EIPR1: variants seen among roughly 807,000 people sequenced by gnomAD.
EIPR1 encodes the protein EARP complex and GARP complex interacting protein 1.
EIPR1 carries 25 observed loss-of-function variants against 48.1 expected under a neutral mutation model. The observed-to-expected ratio is 0.52, with a 90% confidence interval of 0.38 to 0.73. The LOEUF (loss-of-function observed/expected upper bound fraction) is 0.73, where lower values mean the gene tolerates loss of function less well. Ranked by LOEUF, EIPR1 falls within the 30% of genes least tolerant of loss-of-function variation. The pLI, the probability that EIPR1 is intolerant of heterozygous loss-of-function variation, is 0.00. For missense variants in EIPR1, 415 were observed against 506.2 expected, an observed-to-expected ratio of 0.82 and a Z score of 1.73; for synonymous variants, 204 against 201.9, an observed-to-expected ratio of 1.01 and a Z score of -0.09.
intron 5 of EIPR1, among the ~76,000 whole-genome samples, chr2:3,210,443 C>A (rs1338212866): frequency 2.0e-5 from 3 of 152,052 alleles, no homozygotes; most frequent in Non-Finnish European, 4.4e-5. Flanking sequence ...CCACAGAGGA[C>A]AATGGACAGA....
intron 4 of EIPR1, among the ~76,000 whole-genome samples, chr2:3,237,221 T>TAC (rs35498711): frequency 0.1 from 12,963 of 127,594 alleles, 688 homozygotes; most frequent in Middle Eastern, 0.17. Flanking sequence ...TTTTGAAAAC[T>TAC]ACACACACAC....
At chr2:3,241,888 T>C (rs1666639902) in intron 4 of EIPR1, among the ~76,000 whole-genome samples, 1 of 152,248 alleles carries the variant, frequency 6.6e-6, no homozygotes, top group South Asian at 2.1e-4. Context: ...AAATAAGTGA[T>C]TCTAAAATGA....
At chr2:3,375,397 AAG>A (rs1447251144) in intron 1 of EIPR1, among the ~76,000 whole-genome samples, 4 of 147,312 alleles carry the variant, frequency 2.7e-5, no homozygotes, top group African/African-American at 7.4e-5. Context: ...TTAAAAAAAA[AAG>A]AGAGAAAAAA....
At position 3,192,530 on chromosome 2, in the gene EIPR1, G is replaced by A; in HGVS notation, c.873C>T (p.Gly291=). 1 of 1,613,030 alleles carries A rather than the reference G, an allele frequency of 6.2e-7. No homozygotes were observed. Among genetic ancestry groups the A allele is most frequent in the Non-Finnish European group, 8.5e-7 (1 of 1,179,870 alleles). ...AAAGGATGACTCTGCTGTCACTGCT[G>A]CCCGTGAGGACCAGCTGGTCATGAG... ...NHSHDQLVLT[G]SSDSRVILSN... is the part of the protein sequence containing the mutation. Residue 291 remains glycine, a synonymous_variant, in exon 8 of 9, where the codon GGC becomes GGT. Transcript: ENST00000382125.
At chr2:3,324,933 C>T (rs1038293082) in intron 3 of EIPR1, among the ~76,000 whole-genome samples, 3 of 152,242 alleles carry the variant, frequency 2.0e-5, no homozygotes, top group South Asian at 2.1e-4. Flanking sequence ...TGAAAAGCAG[C>T]GCTTCCAGGT....
At chr2:3,307,292 C>T (rs1668976412) in intron 3 of EIPR1, among the ~76,000 whole-genome samples, 1 of 152,184 alleles carries the variant, frequency 6.6e-6, no homozygotes, top group East Asian at 1.9e-4. Flanking sequence ...AAACTCCAGA[C>T]AGCCCCTCCC....
chr2:3,190,365 C>A (rs987031014), intron 8 of EIPR1, among the ~76,000 whole-genome samples: 4 of 152,188 alleles, frequency 2.6e-5, no homozygotes, highest in Non-Finnish European at 5.9e-5. Context: ...GCTTCACCCC[C>A]CCAGCAAGAC....
intron 1 of EIPR1, among the ~76,000 whole-genome samples, chr2:3,362,637 G>A (rs1451741872): frequency 6.9e-6 from 1 of 145,140 alleles, no homozygotes; most frequent in Admixed American, 6.9e-5. Flanking sequence ...GTGACAGAGC[G>A]AGACTCTGTC....
At chr2:3,255,386 T>C (rs796853648) in intron 4 of EIPR1, among the ~76,000 whole-genome samples, 1 of 152,306 alleles carries the variant, frequency 6.6e-6, no homozygotes, top group African/African-American at 2.4e-5. Flanking sequence ...TTTCACCATG[T>C]TGGCCAGGCT....
intron 3 of EIPR1, among the ~76,000 whole-genome samples, chr2:3,260,872 T>C (rs1425645987): frequency 6.6e-6 from 1 of 152,088 alleles, no homozygotes; most frequent in African/African-American, 2.4e-5. Context: ...AGACCAACAA[T>C]AGCAAGTATT....
intron 4 of EIPR1, among the ~76,000 whole-genome samples, chr2:3,250,789 A>T (rs1666979574): frequency 6.6e-6 from 1 of 152,148 alleles, no homozygotes; most frequent in African/African-American, 2.4e-5. Context: ...GCTTGTTTAA[A>T]AGAGTCTGGC....
rs932507513 is a variant in EIPR1, at chr2:3,351,464, G to A, written c.126+3086C>T. Among the ~76,000 whole-genome samples, 182 of 152,200 alleles carry A rather than the reference G, an allele frequency of 1.2e-3. 3 individuals are homozygous for A. Among genetic ancestry groups the A allele is most frequent in the Non-Finnish European group, 2.9e-4 (20 of 68,026 alleles). Reference sequence around the variant, plus strand: ...GGCCCCATTTTGTGTTGAATTCCTGGGTTTCTGCTGACTTCTGCTTTCTGA... The same window carrying A: ...GGCCCCATTTTGTGTTGAATTCCTGAGTTTCTGCTGACTTCTGCTTTCTGA... On this transcript the variant is annotated intron_variant, in intron 2 of 8. Transcript: ENST00000382125.
intron 5 of EIPR1, among the ~76,000 whole-genome samples, chr2:3,202,935 G>C (rs1286311265): frequency 6.6e-6 from 1 of 152,186 alleles, no homozygotes; most frequent in Non-Finnish European, 1.5e-5. Flanking sequence ...CTCCTCAGCC[G>C]TGCCGAGTGC....
In EIPR1 at chr2:3,377,651, G is replaced by A. The variant is rs762529874; in HGVS notation, c.39C>T (p.Phe13=). ...TGCCGCCCTCCCAGTGACCCACCTG[G>A]AACTCCAGCCCGTAGATCACTGGTG... is the stretch of plus-strand genomic sequence containing the variant. The part of the protein sequence containing the change: ...DDAPVIYGLE[F]QARALTPQTA... The change falls in exon 1 of 9, where the codon TTC becomes TTT. Residue 13 remains phenylalanine, a synonymous_variant. Coordinates refer to ENST00000382125, the MANE Select transcript of EIPR1 (RefSeq NM_003310.5). 51 of 1,576,092 alleles carry A rather than the reference G, an allele frequency of 3.2e-5. 1 individual carries two copies. In the South Asian group the frequency reaches 5.1e-4, roughly 16 times the overall value.
At chr2:3,190,288 A>G (rs1664560165) in intron 8 of EIPR1, among the ~76,000 whole-genome samples, 1 of 152,128 alleles carries the variant, frequency 6.6e-6, no homozygotes, top group Admixed American at 6.5e-5. Context: ...TTCCCATTTC[A>G]CAAAAAAATT....
intron 4 of EIPR1, among the ~76,000 whole-genome samples, chr2:3,217,020 A>G (rs1408644814): frequency 6.6e-6 from 1 of 152,174 alleles, no homozygotes; most frequent in African/African-American, 2.4e-5. Flanking sequence ...TGCCCTTTCA[A>G]CTGCCCACAG....
At chr2:3,374,549 C>T (rs1659809207) in intron 1 of EIPR1, among the ~76,000 whole-genome samples, 2 of 151,986 alleles carry the variant, frequency 1.3e-5, no homozygotes, top group South Asian at 4.2e-4. Flanking sequence ...AACAAAAAAC[C>T]CCATCAAAAA....
chr2:3,362,091 C>T (rs921763191), intron 1 of EIPR1, among the ~76,000 whole-genome samples: 16 of 152,344 alleles, frequency 1.1e-4, no homozygotes, highest in African/African-American at 3.6e-4. Flanking sequence ...CCGCACTAAG[C>T]GCCCCTGGGC....
intron 4 of EIPR1, among the ~76,000 whole-genome samples, chr2:3,238,664 G>T (rs1666494473): frequency 6.6e-6 from 1 of 152,186 alleles, no homozygotes; most frequent in African/African-American, 2.4e-5. Context: ...ATAACTTCAG[G>T]GTATGAATCA....
Sources: gnomAD v4.1 joint callset for allele counts (sites outside exome capture counted in the v4.1 genomes callset) on GRCh38, gnomAD v4.1.1 for gene constraint, MANE v1.5 for transcripts, NCBI Gene and HGNC (gene_info 2026-07-23, HGNC 2026-07-21) for gene names.